Variants in FNBP1 observed in about 807,000 individuals in gnomAD.
FNBP1 encodes formin binding protein 1.
A neutral mutation model predicts 90.6 loss-of-function variants in FNBP1; 26 were observed. That is an observed-to-expected ratio of 0.29 (90% CI 0.21 to 0.40). The LOEUF (loss-of-function observed/expected upper bound fraction) is 0.40. Ranked by LOEUF, FNBP1 falls within the 10% of genes least tolerant of loss-of-function variation. The pLI is 1.00. For missense variants in FNBP1, 635 were observed against 768.0 expected (o/e 0.83, Z 2.05); for synonymous variants, 260 against 265.2 (o/e 0.98, Z 0.19).
chr9:129,970,683 C>T (rs1284532704), intron 4 of FNBP1, among the ~76,000 whole-genome samples: 6 of 152,058 alleles, frequency 3.9e-5, no homozygotes, highest in African/African-American at 1.4e-4. Flanking sequence ...AAAGAGATGG[C>T]GAACATCTCA....
intron 1 of FNBP1, among the ~76,000 whole-genome samples, chr9:130,033,083 C>G (rs895830668): frequency 4.6e-5 from 7 of 152,150 alleles, no homozygotes; most frequent in Admixed American, 4.6e-4. Flanking sequence ...AGTTTGTTCC[C>G]AGGGACCAGA....
intron 16 of FNBP1, among the ~76,000 whole-genome samples, chr9:129,892,414 C>CACACACACACACACACACACACAA (rs762912634): frequency 1.6e-5 from 2 of 125,324 alleles, no homozygotes; most frequent in East Asian, 2.2e-4. Flanking sequence ...CACACACACA[C>CACACACACACACACACACACACAA]ACAAAAAGGT....
chr9:129,921,269 C>CTT (rs753816382), intron 10 of FNBP1, among the ~76,000 whole-genome samples: 1 of 143,478 alleles, frequency 7.0e-6, no homozygotes, highest in African/African-American at 2.5e-5. Context: ...ACATTCTTTA[C>CTT]TTTTTTTTTT....
intron 1 of FNBP1, among the ~76,000 whole-genome samples, chr9:130,035,213 C>T (rs1230156859): frequency 2.6e-5 from 4 of 152,196 alleles, no homozygotes; most frequent in South Asian, 2.1e-4. Flanking sequence ...TCCACCTCAT[C>T]TTTTGAGTCG....
chr9:129,939,589 G>A (rs947692674), intron 6 of FNBP1, among the ~76,000 whole-genome samples: 1 of 152,098 alleles, frequency 6.6e-6, no homozygotes, highest in Non-Finnish European at 1.5e-5. Context: ...GCTGTGGAGT[G>A]GGGGAAGAGT....
At chr9:129,964,048 T>C (rs978541225) in intron 4 of FNBP1, among the ~76,000 whole-genome samples, 3 of 152,320 alleles carry the variant, frequency 2.0e-5, no homozygotes, top group African/African-American at 7.2e-5. Flanking sequence ...GTGCCTACCA[T>C]GACCTGAATA....
chr9:129,976,087 G>C (rs557074836), intron 4 of FNBP1, among the ~76,000 whole-genome samples: 1 of 152,182 alleles, frequency 6.6e-6, no homozygotes, highest in South Asian at 2.1e-4. Context: ...CTGAACCTTA[G>C]TATTCTGTTT....
intron 1 of FNBP1, among the ~76,000 whole-genome samples, chr9:130,035,090 A>G (rs905713339): frequency 6.6e-6 from 1 of 152,212 alleles, no homozygotes; most frequent in African/African-American, 2.4e-5. Flanking sequence ...CAGAGGTTGC[A>G]GTGAGTCGAG....
At chr9:129,999,120 T>C (rs191671573) in intron 1 of FNBP1, among the ~76,000 whole-genome samples, 100 of 152,180 alleles carry the variant, frequency 6.6e-4, no homozygotes, top group Middle Eastern at 3.4e-3. Flanking sequence ...TTGACTAAAA[T>C]GTGGAAAAGT....
At chr9:130,045,611 C>G (rs2060056127), upstream of FNBP1, among the ~76,000 whole-genome samples, 2 of 152,056 alleles carry the variant, frequency 1.3e-5, no homozygotes, top group African/African-American at 2.4e-5. Flanking sequence ...AGGAAGGAAC[C>G]CATTAAAAGC....
intron 6 of FNBP1, among the ~76,000 whole-genome samples, chr9:129,953,498 T>A (rs1030530596): frequency 3.3e-5 from 5 of 151,002 alleles, no homozygotes; most frequent in African/African-American, 7.3e-5. Context: ...TCAGAAAAAA[T>A]AAATAAATAA....
chr9:129,912,773 CTG>C (rs1221517490), intron 11 of FNBP1, among the ~76,000 whole-genome samples: 2 of 151,698 alleles, frequency 1.3e-5, no homozygotes, highest in Non-Finnish European at 2.9e-5. Context: ...TTGCTATGTG[CTG>C]TGAGTCCAAC....
chr9:130,032,740 CT>C (rs537793259), intron 1 of FNBP1, among the ~76,000 whole-genome samples: 4,677 of 146,154 alleles, frequency 0.032, 85 homozygotes, highest in Non-Finnish European at 0.045. Flanking sequence ...TTCAGTGGAA[CT>C]TTTTTTTTTT....
At position 129,889,121 on chromosome 9, in the gene FNBP1, G is replaced by A. The variant is rs2034912659; in HGVS notation, c.*1418C>T. 4.5e-6 allele frequency: 1 copy of A among 221,922 alleles called. No homozygotes were observed. The highest frequency in any genetic ancestry group is 2.3e-5 in the African/African-American group (1 of 44,200). The allele number at this position is 221,922 out of a possible 1,614,324, so 13.7% of individuals were successfully genotyped here. ...GTGGCCACAGATTAGGGGACCTCAG[G>A]TTTTCCTCAAAAACCCACACAGGGA... On this transcript the variant is annotated 3_prime_UTR_variant, in exon 17 of 17. Coordinates refer to ENST00000446176, the MANE Select transcript of FNBP1 (RefSeq NM_015033.3).
intron 16 of FNBP1, among the ~76,000 whole-genome samples, chr9:129,894,370 T>C (rs1289416920): frequency 2.0e-5 from 3 of 152,168 alleles, no homozygotes; most frequent in African/African-American, 7.2e-5. Flanking sequence ...TAGATTCCTT[T>C]CGATGTGGTG....
chr9:130,020,091 T>A (rs2057666707), intron 1 of FNBP1, among the ~76,000 whole-genome samples: 1 of 152,198 alleles, frequency 6.6e-6, no homozygotes, highest in Admixed American at 6.5e-5. Context: ...GCTACCATGA[T>A]ACAAATAGCA....
chr9:130,016,738 T>C (rs547906408), intron 1 of FNBP1, among the ~76,000 whole-genome samples: 1 of 152,212 alleles, frequency 6.6e-6, no homozygotes, highest in Non-Finnish European at 1.5e-5. Flanking sequence ...AGCAAAACTC[T>C]GTCTCAAAAA....
rs186769871 is a variant in FNBP1, at chr9:129,957,140, C to A, written c.513+220G>T. 1.3e-5 allele frequency among the ~76,000 whole-genome samples: 2 copies of A among 150,900 alleles called. No homozygotes were observed. The highest frequency in any genetic ancestry group is 2.9e-5 in the Non-Finnish European group (2 of 67,828). On this transcript the variant is annotated intron_variant, in intron 6 of 16. Coordinates refer to ENST00000446176, the MANE Select transcript of FNBP1 (RefSeq NM_015033.3). This position sits in a 1 kb window ranked among gnomAD's most constrained non-coding sequence, Gnocchi z 4.3. Reference sequence around the variant, plus strand: ...GCAGCCAACGCCTCCTGGGCTCAAGCGATTCTCCTGCCTCAGCCTCCCTAG... The same window carrying A: ...GCAGCCAACGCCTCCTGGGCTCAAGAGATTCTCCTGCCTCAGCCTCCCTAG...
In FNBP1 at chr9:129,902,754, C is replaced by T. The variant is rs2037197424; in HGVS notation, c.1428+115G>A. On this transcript the variant is annotated intron_variant, in intron 13 of 16. Coordinates refer to ENST00000446176, the MANE Select transcript of FNBP1 (RefSeq NM_015033.3). The stretch of plus-strand genomic sequence containing the variant: ...TGACCATAACTCCTGAAACAGCCTG[C>T]CATTCCCACTGTGTACCTCCCAGTG... 15 of 998,158 alleles carry T rather than the reference C, an allele frequency of 1.5e-5. No individual in the cohort carries two copies. In the South Asian group the frequency reaches 2.3e-4, roughly 15 times the overall value. 61.8% of individuals were successfully genotyped at this position (998,158 alleles called of 1,614,324 possible).
Sources: allele counts gnomAD v4.1 joint callset (sites outside exome capture counted in the v4.1 genomes callset), GRCh38; gene constraint gnomAD v4.1.1; non-coding constraint Gnocchi (gnomAD v3.1); transcripts MANE v1.5; gene names NCBI Gene and HGNC (gene_info 2026-07-23, HGNC 2026-07-21).